Variants in ST3GAL1 observed in about 807,000 individuals in gnomAD.
ST3GAL1 encodes the protein CMP-N-acetylneuraminate-beta-galactosamide-alpha-2,3-sialyltransferase 1.
A neutral mutation model predicts 34.1 loss-of-function variants in ST3GAL1; 16 were observed. That is an observed-to-expected ratio of 0.47 (90% CI 0.32 to 0.71). ST3GAL1 has a LOEUF of 0.71. Among genes scored for constraint, ST3GAL1 ranks in the 30% least tolerant of loss-of-function variants. The pLI is 0.04. For synonymous variants in ST3GAL1, 191 were observed against 184.7 expected (o/e 1.03, Z -0.28); for missense variants, 353 against 447.4 (o/e 0.79, Z 1.90).
intron 2 of ST3GAL1, among the ~76,000 whole-genome samples, chr8:133,509,882 A>AC (rs1279631898): frequency 7.2e-5 from 11 of 152,122 alleles, no homozygotes; most frequent in East Asian, 5.8e-4. Context: ...AAATGGTGAC[A>AC]CCCCATCTCT....
At chr8:133,475,076 T>C (rs904460902) in intron 5 of ST3GAL1, among the ~76,000 whole-genome samples, 3 of 152,242 alleles carry the variant, frequency 2.0e-5, no homozygotes, top group African/African-American at 7.2e-5. Flanking sequence ...TGAGGATCTC[T>C]GCATGAGATC....
intron 2 of ST3GAL1, among the ~76,000 whole-genome samples, chr8:133,533,163 G>A (rs987083102): frequency 3.3e-5 from 5 of 152,098 alleles, no homozygotes; most frequent in South Asian, 4.2e-4. Flanking sequence ...GCAGTCCAAT[G>A]GCACTCTGAA....
At chr8:133,541,603 G>A (rs1405088570) in intron 2 of ST3GAL1, among the ~76,000 whole-genome samples, 1 of 152,106 alleles carries the variant, frequency 6.6e-6, no homozygotes, top group Non-Finnish European at 1.5e-5. Context: ...ACACTGTGAC[G>A]GCCAGACACT....
chr8:133,463,571 G>A (rs1815596459), intron 7 of ST3GAL1, 112 bp from the exon 8 acceptor site: 1 of 1,172,084 alleles, frequency 8.5e-7, no homozygotes, highest in Non-Finnish European at 1.2e-6. Flanking sequence ...AGCCTCTCCT[G>A]CCCCCCATAG....
At chr8:133,558,838 T>C (rs1316940223) in intron 1 of ST3GAL1, among the ~76,000 whole-genome samples, 1 of 152,212 alleles carries the variant, frequency 6.6e-6, no homozygotes, top group Non-Finnish European at 1.5e-5. Context: ...TGCTGTTTCA[T>C]TCAACAGCAT....
At chr8:133,514,353 G>C (rs1817584955) in intron 2 of ST3GAL1, among the ~76,000 whole-genome samples, 1 of 152,188 alleles carries the variant, frequency 6.6e-6, no homozygotes, top group Non-Finnish European at 1.5e-5. Flanking sequence ...CACTGCAGGA[G>C]CTCAGAATGG....
At position 133,536,559 on chromosome 8, in the gene ST3GAL1, G is replaced by A. The variant is rs79197412; in HGVS notation, c.-429+9215C>T. ...TCACCATGGAAAGCCCCTTCTTTCT[G>A]GGAAGAATGTCTCTGCTGCAGCCAG... On this transcript the variant is annotated intron_variant, in intron 2 of 9. Coordinates refer to ENST00000522652, the MANE Select transcript of ST3GAL1 (RefSeq NM_173344.3). Among the ~76,000 whole-genome samples the A allele has an allele frequency of 2.5e-3, 387 of 152,264 alleles. 1 individual carries two copies. The highest frequency in any genetic ancestry group is 8.9e-3 in the African/African-American group (368 of 41,538).
rs539906040 is a variant in ST3GAL1, at chr8:133,563,015, TTTGGTTGGGGTTTA to T, written c.-582+8664_-582+8677del. On this transcript the variant is annotated intron_variant, in intron 1 of 9. Coordinates refer to ENST00000522652, the MANE Select transcript of ST3GAL1 (RefSeq NM_173344.3). ...CAGCTAGAGAAGTAGCTGGATTTGC[TTTGGTTGGGGTTTA>T]TTGGTTGGGTCTTTCTCAAGAGCTC... 7.9e-3 allele frequency among the ~76,000 whole-genome samples: 1,203 copies of T among 152,212 alleles called. 6 individuals are homozygous for T. Among genetic ancestry groups the T allele is most frequent in the Non-Finnish European group, 0.012 (789 of 68,016 alleles).
intron 3 of ST3GAL1, among the ~76,000 whole-genome samples, chr8:133,497,320 A>G (rs1816981530): frequency 6.6e-6 from 1 of 152,250 alleles, no homozygotes; most frequent in East Asian, 1.9e-4. Context: ...CATTTTGAGA[A>G]CACATGCAAA....
At chr8:133,568,082 C>T (rs1372133490) in intron 1 of ST3GAL1, among the ~76,000 whole-genome samples, 12 of 152,158 alleles carry the variant, frequency 7.9e-5, no homozygotes, top group Admixed American at 3.3e-4. Context: ...CCACTATGCC[C>T]GGCTAATTTT....
Position 133,571,824 on chromosome 8 carries a change from T to G in ST3GAL1, c.-713A>C, listed in dbSNP as rs1319189674. 1 of 153,890 alleles carries G rather than the reference T, an allele frequency of 6.5e-6. No individual in the cohort carries two copies. The highest frequency in any genetic ancestry group is 1.4e-5 in the Non-Finnish European group (1 of 69,290). 9.5% of individuals were successfully genotyped at this position (153,890 alleles called of 1,614,324 possible). A position where few individuals can be genotyped will look rare whatever the true frequency, so the allele number is the denominator to read the frequency against. On this transcript the variant is annotated 5_prime_UTR_variant, in exon 1 of 10. Transcript: ENST00000522652. This position sits in a 1 kb window ranked among gnomAD's most constrained non-coding sequence, Gnocchi z 6.7. ...TCGCCTCTTCCTTCTCTCTCCGCTCTTCTTCCTCCTCCTCCTCCCTCCGGT... is the reference window on the plus strand; with the variant it reads ...TCGCCTCTTCCTTCTCTCTCCGCTCGTCTTCCTCCTCCTCCTCCCTCCGGT...
intron 1 of ST3GAL1, among the ~76,000 whole-genome samples, chr8:133,561,108 C>CTTTTTTTTTTTTTTTTTTTTT (rs765993286): frequency 9.4e-6 from 1 of 106,226 alleles, no homozygotes; most frequent in African/African-American, 3.7e-5. Context: ...CCAGAGCCAT[C>CTTTTTTTTTTTTTTTTTTTTT]TTTTTTTTTT....
chr8:133,472,016 A>T (rs1243278414), intron 5 of ST3GAL1, among the ~76,000 whole-genome samples: 1 of 151,964 alleles, frequency 6.6e-6, no homozygotes, highest in African/African-American at 2.4e-5. Context: ...TCTGAATTGG[A>T]CATGGGGACT....
intron 8 of ST3GAL1, 141 bp downstream of exon 8, chr8:133,463,273 G>T: frequency 3.3e-6 from 3 of 909,678 alleles, no homozygotes; most frequent in Non-Finnish European, 5.2e-6. Context: ...TCTTCCCCCA[G>T]GGGGATAGCT....
At chr8:133,515,165 T>C (rs1817606051) in intron 2 of ST3GAL1, among the ~76,000 whole-genome samples, 1 of 152,222 alleles carries the variant, frequency 6.6e-6, no homozygotes, top group South Asian at 2.1e-4. Context: ...GACGAGGTCC[T>C]CACTGCCATC....
intron 8 of ST3GAL1, among the ~76,000 whole-genome samples, 198 bp from the exon 9 acceptor site, chr8:133,462,192 A>G (rs1461941761): frequency 2.6e-5 from 4 of 152,308 alleles, no homozygotes; most frequent in South Asian, 4.1e-4. Flanking sequence ...TGCTGAGCTA[A>G]TAAGTGCTAT....
intron 3 of ST3GAL1, among the ~76,000 whole-genome samples, chr8:133,495,962 G>A (rs969072013): frequency 2.0e-5 from 3 of 152,158 alleles, no homozygotes; most frequent in Non-Finnish European, 2.9e-5. Flanking sequence ...TAGTAATCTC[G>A]GTATGTGCCC....
chr8:133,484,697 T>G (rs147237732), intron 3 of ST3GAL1, among the ~76,000 whole-genome samples: 1,926 of 152,256 alleles, frequency 0.013, 13 homozygotes, highest in Admixed American at 0.018. Flanking sequence ...AGAATCAGCC[T>G]AATAAGAAAC....
rs552891779 is a variant in ST3GAL1, at chr8:133,455,470, C to G, written c.*4294G>C. On this transcript the variant is annotated 3_prime_UTR_variant, in exon 10 of 10. Coordinates refer to ENST00000522652, the MANE Select transcript of ST3GAL1 (RefSeq NM_173344.3). Reference sequence around the variant, plus strand: ...CTAAGTTTTCCTCCTTTTCTTTGCACAGGTGTCAGGTAGCACCCCAGGGGT... The same window carrying G: ...CTAAGTTTTCCTCCTTTTCTTTGCAGAGGTGTCAGGTAGCACCCCAGGGGT... 1 of 152,358 alleles carries G rather than the reference C, an allele frequency of 6.6e-6. No homozygotes were observed. Among genetic ancestry groups the G allele is most frequent in the Admixed American group, 6.5e-5 (1 of 15,300 alleles). 9.4% of individuals were successfully genotyped at this position (152,358 alleles called of 1,614,324 possible).
Sources: allele counts gnomAD v4.1 joint callset (sites outside exome capture counted in the v4.1 genomes callset), GRCh38; gene constraint gnomAD v4.1.1; non-coding constraint Gnocchi (gnomAD v3.1); transcripts MANE v1.5; gene names NCBI Gene and HGNC (gene_info 2026-07-23, HGNC 2026-07-21).